The following METTL15 variants were observed in gnomAD, a reference collection of about 807,000 sequenced individuals.
METTL15 encodes the protein methyltransferase 15, mitochondrial 12S rRNA N4-cytidine.
METTL15 carries 34 observed loss-of-function variants against 38.3 expected under a neutral mutation model. That is an observed-to-expected ratio of 0.89 (90% CI 0.68 to 1.18). METTL15 has a LOEUF of 1.18. Ranked by LOEUF, METTL15 falls within the 50% of genes most tolerant of loss-of-function variation. The probability of loss-of-function intolerance (pLI) is 0.00; values close to 1 mark genes in which losing one functional copy is unlikely to be tolerated. For synonymous variants in METTL15, 162 were observed against 170.9 expected (o/e 0.95, Z 0.41); for missense variants, 438 against 498.4 (o/e 0.88, Z 1.15).
chr11:28,469,773 A>T (rs1476504227), intron 6 of METTL15, among the ~76,000 whole-genome samples: 1 of 152,126 alleles, frequency 6.6e-6, no homozygotes, highest in Non-Finnish European at 1.5e-5. Context: ...ATACACACAA[A>T]ATTCATGAAA....
At chr11:28,197,552 T>A (rs1037777761) in intron 3 of METTL15, 2 of 444,234 alleles carry the variant, frequency 4.5e-6, no homozygotes, top group Non-Finnish European at 9.4e-6. Context: ...TCAGAGAAGT[T>A]AAGTAACTTG....
At chr11:28,307,384 TTTC>T (rs766946326) in intron 6 of METTL15, among the ~76,000 whole-genome samples, 27 of 151,980 alleles carry the variant, frequency 1.8e-4, no homozygotes, top group Non-Finnish European at 3.2e-4. Flanking sequence ...TCAATCAATA[TTTC>T]TTTAATGAAT....
chr11:28,325,505 G>T (rs1159768283), intron 6 of METTL15, among the ~76,000 whole-genome samples: 6 of 152,212 alleles, frequency 3.9e-5, no homozygotes, highest in African/African-American at 1.4e-4. Context: ...TGATGTGAAT[G>T]AAACTGTACT....
At chr11:28,451,855 T>A (rs575216943) in intron 6 of METTL15, among the ~76,000 whole-genome samples, 3 of 152,292 alleles carry the variant, frequency 2.0e-5, no homozygotes, top group South Asian at 2.1e-4. Context: ...TTGCCTTACA[T>A]TGCAGTGATA....
At chr11:28,135,434 C>T (rs1256181280) in intron 3 of METTL15, among the ~76,000 whole-genome samples, 1 of 152,142 alleles carries the variant, frequency 6.6e-6, no homozygotes, top group Non-Finnish European at 1.5e-5. Flanking sequence ...TCACAAGAAC[C>T]TGGGGCTCCT....
At chr11:28,210,416 A>G (rs1852580897) in intron 3 of METTL15, among the ~76,000 whole-genome samples, 1 of 151,882 alleles carries the variant, frequency 6.6e-6, no homozygotes, top group Non-Finnish European at 1.5e-5. Flanking sequence ...ACTTTAAGTA[A>G]CTATCCCAAA....
intron 4 of METTL15, among the ~76,000 whole-genome samples, chr11:28,237,913 C>T (rs1278756403): frequency 6.6e-6 from 1 of 152,186 alleles, no homozygotes; most frequent in African/African-American, 2.4e-5. Context: ...GGCTGCAGAA[C>T]CGCGGATTTT....
At position 28,255,726 on chromosome 11, in the gene METTL15, G is replaced by A. The variant is rs1393549701; in HGVS notation, c.408-34480G>A. 3.9e-5 allele frequency among the ~76,000 whole-genome samples: 6 copies of A among 152,016 alleles called. No individual in the cohort carries two copies. The East Asian group carries it at 7.7e-4, about 20-fold the overall frequency. On this transcript the variant is annotated intron_variant, in intron 4 of 6. Coordinates refer to ENST00000407364, the MANE Select transcript of METTL15 (RefSeq NM_001113528.2). Reference sequence around the variant, plus strand: ...TCATCATATGGCTTTTCTTTGAGACGGAGTTTCGCTCTTGTTGCCCAGGCT... The same window carrying A: ...TCATCATATGGCTTTTCTTTGAGACAGAGTTTCGCTCTTGTTGCCCAGGCT...
chr11:28,132,429 G>A (rs925073584), intron 3 of METTL15, among the ~76,000 whole-genome samples: 39 of 151,852 alleles, frequency 2.6e-4, no homozygotes, highest in African/African-American at 9.2e-4. Flanking sequence ...AATCCAATTT[G>A]TTCTTGTCCC....
rs539771335 is a variant in METTL15 at position 28,233,693 on chromosome 11, G to C, written c.407+22495G>C. On this transcript the variant is annotated intron_variant, in intron 4 of 6. Coordinates refer to ENST00000407364, the MANE Select transcript of METTL15 (RefSeq NM_001113528.2). Reference sequence around the variant, plus strand: ...TTATTAATTTGGAGTCAGTCACTCAGCTAACATCCAAGTATAAATACATGA... The same window carrying C: ...TTATTAATTTGGAGTCAGTCACTCACCTAACATCCAAGTATAAATACATGA... 3.9e-5 allele frequency among the ~76,000 whole-genome samples: 6 copies of C among 152,140 alleles called. No individual in the cohort carries two copies. In the South Asian group the frequency reaches 1.2e-3, roughly 32 times the overall value.
chr11:28,435,544 T>C (rs1227535210), intron 6 of METTL15, among the ~76,000 whole-genome samples: 3 of 152,180 alleles, frequency 2.0e-5, no homozygotes, highest in Non-Finnish European at 4.4e-5. Flanking sequence ...TCTTGCCCAC[T>C]TCAGAAGAGA....
intron 3 of METTL15, among the ~76,000 whole-genome samples, chr11:28,349,932 G>C (rs1850027422): frequency 6.6e-6 from 1 of 152,222 alleles, no homozygotes; most frequent in Non-Finnish European, 1.5e-5. Flanking sequence ...TTGCATAAAT[G>C]ATGAGAGTTG....
chr11:28,140,027 G>A (rs1849645526), intron 3 of METTL15, among the ~76,000 whole-genome samples: 1 of 152,154 alleles, frequency 6.6e-6, no homozygotes, highest in Non-Finnish European at 1.5e-5. Context: ...GCTGTTGGAT[G>A]GAGCATGTGC....
At chr11:28,316,276 C>G (rs531334034) in intron 6 of METTL15, among the ~76,000 whole-genome samples, 14 of 152,164 alleles carry the variant, frequency 9.2e-5, no homozygotes, top group Admixed American at 9.2e-4. Flanking sequence ...GGATGTGAGA[C>G]GTGGATTCAA....
At chr11:28,163,277 TGAA>T in intron 3 of METTL15, 1 of 397,102 alleles carries the variant, frequency 2.5e-6, no homozygotes, top group East Asian at 3.6e-5. Flanking sequence ...GTAAAATGCT[TGAA>T]GAAAAAAAAG....
At chr11:28,337,845 G>A (rs1849915643), downstream of METTL15, among the ~76,000 whole-genome samples, 1 of 152,024 alleles carries the variant, frequency 6.6e-6, no homozygotes, top group South Asian at 2.1e-4. Context: ...TACTATCTAG[G>A]TTTATGTAAG....
At chr11:28,271,666 A>G (rs372329066) in intron 4 of METTL15, among the ~76,000 whole-genome samples, 21 of 152,256 alleles carry the variant, frequency 1.4e-4, no homozygotes, top group African/African-American at 4.8e-4. Flanking sequence ...TATCCTTTTA[A>G]AAGAATAAAT....
chr11:28,123,396 T>A (rs761476540), intron 3 of METTL15, among the ~76,000 whole-genome samples: 4 of 152,142 alleles, frequency 2.6e-5, no homozygotes, highest in Non-Finnish European at 5.9e-5. Context: ...TTCCACTGCC[T>A]TCTCCTCATG....
intron 6 of METTL15, among the ~76,000 whole-genome samples, chr11:28,320,249 T>G (rs1473302418): frequency 2.0e-5 from 3 of 151,238 alleles, no homozygotes; most frequent in Non-Finnish European, 4.4e-5. Context: ...CAATATATTT[T>G]AGCCTTGTAG....
Sources: gnomAD v4.1 joint callset for allele counts (sites outside exome capture counted in the v4.1 genomes callset) on GRCh38, gnomAD v4.1.1 for gene constraint, MANE v1.5 for transcripts, NCBI Gene and HGNC (gene_info 2026-07-23, HGNC 2026-07-21) for gene names.